The following USP32 variants were observed in gnomAD, a reference collection of about 807,000 sequenced individuals.
The protein encoded by USP32 is ubiquitin specific peptidase 32.
A neutral mutation model predicts 204.8 loss-of-function variants in USP32; 59 were observed. That is an observed-to-expected ratio of 0.29 (90% CI 0.23 to 0.36). USP32 has a LOEUF of 0.36. USP32 is among the 10% of genes least tolerant of loss of function. The probability of loss-of-function intolerance (pLI) is 1.00; values close to 1 mark genes in which losing one functional copy is unlikely to be tolerated. For synonymous variants in USP32, 517 were observed against 678.4 expected, an observed-to-expected ratio of 0.76 and a Z score of 3.70; for missense variants, 1,160 against 1,946.4, an observed-to-expected ratio of 0.60 and a Z score of 7.60.
intron 5 of USP32, among the ~76,000 whole-genome samples, chr17:60,288,250 G>C (rs1273641290): frequency 1.3e-5 from 2 of 149,824 alleles, no homozygotes; most frequent in Non-Finnish European, 3.0e-5. Flanking sequence ...GACCAGCATA[G>C]GCAATATAGA....
At chr17:60,404,942 C>T (rs1054353243) in intron 1 of USP32, among the ~76,000 whole-genome samples, 6 of 152,018 alleles carry the variant, frequency 3.9e-5, no homozygotes, top group Non-Finnish European at 7.4e-5. Context: ...TTTGGGAGGC[C>T]GAGGCAGGCG....
chr17:60,382,800 T>C (rs1337194232), intron 1 of USP32, among the ~76,000 whole-genome samples: 1 of 152,178 alleles, frequency 6.6e-6, no homozygotes, highest in Non-Finnish European at 1.5e-5. Flanking sequence ...TTAAATTTTA[T>C]ACATAACCAA....
chr17:60,406,801 A>T lies in USP32; in HGVS notation c.106+15445T>A, dbSNP rs929806954. ...AGTACTGGGATTACAGACATGAGCC[A>T]CTGCGCCTGGCCTTTCTTTCTTTCT... On this transcript the variant is annotated intron_variant, in intron 1 of 3. Coordinates refer to the USP32 transcript ENST00000588898. Among the ~76,000 whole-genome samples the T allele has an allele frequency of 2.6e-5, 4 of 152,100 alleles. 1 individual carries two copies. The East Asian group carries it at 5.8e-4, about 22-fold the overall frequency.
intron 1 of USP32, among the ~76,000 whole-genome samples, chr17:60,383,235 C>CAAA (rs11300967): frequency 4.1e-5 from 3 of 74,060 alleles, no homozygotes; most frequent in Non-Finnish European, 7.0e-5. Context: ...GACATCGTCC[C>CAAA]AAAAAAAAAA....
intron 11 of USP32, among the ~76,000 whole-genome samples, chr17:60,244,409 GTGGATTTATGTC>G (rs2085960998): frequency 1.3e-5 from 2 of 152,244 alleles, no homozygotes; most frequent in East Asian, 3.9e-4. Context: ...AAAAACAGAT[GTGGATTTATGTC>G]TGCTATTTAG....
intron 2 of USP32, among the ~76,000 whole-genome samples, chr17:60,312,780 G>A (rs1036411212): frequency 2.6e-5 from 4 of 152,124 alleles, no homozygotes; most frequent in African/African-American, 9.7e-5. Flanking sequence ...GCCATCTTTA[G>A]GTAATGACAA....
chr17:60,253,874 T>A (rs2086230612), intron 10 of USP32, among the ~76,000 whole-genome samples: 1 of 152,234 alleles, frequency 6.6e-6, no homozygotes, highest in South Asian at 2.1e-4. Context: ...ATATATATTT[T>A]ATAAAGCCAT....
chr17:60,408,570 G>T (rs1241841540), intron 1 of USP32, among the ~76,000 whole-genome samples: 1 of 151,998 alleles, frequency 6.6e-6, no homozygotes, highest in African/African-American at 2.4e-5. Context: ...TAGAGATGGG[G>T]TTTCACCATG....
chr17:60,208,809 C>T lies in USP32; in HGVS notation c.2618G>A (p.Arg873Lys), dbSNP rs998381189. Residue 873 changes from arginine to lysine, a missense_variant, in exon 23 of 34, where the codon AGA becomes AAA. Physicochemically the swap from Arg to Lys is conservative, Grantham distance 26. This residue lies in a region of USP32 where 132 missense variants were observed against 432.8 expected (regional missense o/e 0.30). Transcript: ENST00000300896. ...VAAEAWDNHL[R>K]RNRSIVVDLF... ...ATCCACAACAATTGATCTATTTCTT[C>T]TTAGATGGTTGTCCCAGGCCTAGCA... is the stretch of plus-strand genomic sequence containing the variant. The T allele has an allele frequency of 6.2e-7, 1 of 1,602,864 alleles. No homozygotes were observed. The highest frequency in any genetic ancestry group is 8.5e-7 in the Non-Finnish European group (1 of 1,175,686).
At chr17:60,241,351 G>A (rs1598124841) in intron 11 of USP32, among the ~76,000 whole-genome samples, 1 of 152,224 alleles carries the variant, frequency 6.6e-6, no homozygotes, top group South Asian at 2.1e-4. Flanking sequence ...TGAAACCAGG[G>A]ACCAGGTGGG....
chr17:60,328,756 C>T (rs997778465), intron 2 of USP32, among the ~76,000 whole-genome samples: 1 of 152,202 alleles, frequency 6.6e-6, no homozygotes, highest in Non-Finnish European at 1.5e-5. Flanking sequence ...CTTCCAGACG[C>T]CATCACACTC....
intron 20 of USP32, 98 bp from the exon 21 acceptor site, chr17:60,211,216 C>A: frequency 2.0e-6 from 3 of 1,511,296 alleles, no homozygotes; most frequent in Non-Finnish European, 1.8e-6. Flanking sequence ...AATATCTTTT[C>A]TTTTTGAAAC....
At chr17:60,367,789 C>CA (rs1191700096) in intron 1 of USP32, among the ~76,000 whole-genome samples, 1 of 152,108 alleles carries the variant, frequency 6.6e-6, no homozygotes, top group South Asian at 2.1e-4. Context: ...GCCTGGGTGA[C>CA]AGAGTGAGAC....
intron 1 of USP32, among the ~76,000 whole-genome samples, chr17:60,410,475 T>TG (rs2090009346): frequency 6.6e-6 from 1 of 151,936 alleles, no homozygotes; most frequent in African/African-American, 2.4e-5. Context: ...GAGACCATCT[T>TG]GGCTAACACG....
At chr17:60,278,112 C>T (rs1054801192) in intron 5 of USP32, among the ~76,000 whole-genome samples, 1 of 152,026 alleles carries the variant, frequency 6.6e-6, no homozygotes, top group African/African-American at 2.4e-5. Context: ...TGCTGTTTCC[C>T]AGGCTGGCCT....
intron 5 of USP32, among the ~76,000 whole-genome samples, chr17:60,279,069 T>A (rs186582934): frequency 6.6e-6 from 1 of 152,292 alleles, no homozygotes; most frequent in African/African-American, 2.4e-5. Context: ...TTTCAAACTT[T>A]TAATTACATA....
intron 12 of USP32, among the ~76,000 whole-genome samples, chr17:60,228,090 G>C (rs1476762770): frequency 6.6e-6 from 1 of 151,680 alleles, no homozygotes; most frequent in East Asian, 1.9e-4. Flanking sequence ...CAGTGGTGCA[G>C]TCTCGGCTCA....
At chr17:60,370,084 T>C (rs910114828) in intron 1 of USP32, among the ~76,000 whole-genome samples, 1 of 151,712 alleles carries the variant, frequency 6.6e-6, no homozygotes, top group Non-Finnish European at 1.5e-5. Flanking sequence ...TCACTCTTGT[T>C]GCCCAGGCTG....
At chr17:60,275,181 G>T (rs2086810346) in intron 5 of USP32, among the ~76,000 whole-genome samples, 1 of 152,164 alleles carries the variant, frequency 6.6e-6, no homozygotes, top group South Asian at 2.1e-4. Context: ...TATTGGCCGG[G>T]CGCGGTGGCT....
Sources: gnomAD v4.1 joint callset for allele counts (sites outside exome capture counted in the v4.1 genomes callset) on GRCh38, gnomAD v4.1.1 for gene constraint, gnomAD v4.1.1 regional missense constraint, MANE v1.5 for transcripts, NCBI Gene and HGNC (gene_info 2026-07-23, HGNC 2026-07-21) for gene names.